CA10: variants seen among roughly 807,000 people sequenced by gnomAD.
CA10 encodes carbonic anhydrase-related protein 10.
In CA10, 14 loss-of-function variants were observed where a neutral mutation model predicts 44.2. That is an observed-to-expected ratio of 0.32 (90% CI 0.21 to 0.50). CA10 has a LOEUF of 0.50. Ranked by LOEUF, CA10 falls within the 20% of genes least tolerant of loss-of-function variation. CA10 has a pLI of 0.99. For missense variants in CA10, 350 were observed against 409.7 expected, an observed-to-expected ratio of 0.85 and a Z score of 1.26; for synonymous variants, 159 against 141.6, an observed-to-expected ratio of 1.12 and a Z score of -0.87.
At chr17:51,771,122 C>CAAAAAAA (rs71357854) in intron 3 of CA10, among the ~76,000 whole-genome samples, 7 of 37,676 alleles carry the variant, frequency 1.9e-4, no homozygotes, top group Admixed American at 3.8e-4. Flanking sequence ...GACTCCGTCT[C>CAAAAAAA]AAAAAAAAAA....
chr17:51,652,910 A>G (rs1913629833), intron 5 of CA10, among the ~76,000 whole-genome samples: 1 of 151,844 alleles, frequency 6.6e-6, no homozygotes, highest in African/African-American at 2.4e-5. Flanking sequence ...TTTAATTTTT[A>G]TTTTTCTAAT....
At chr17:52,089,743 T>C (rs1260013638) in intron 1 of CA10, among the ~76,000 whole-genome samples, 1 of 152,094 alleles carries the variant, frequency 6.6e-6, no homozygotes, top group African/African-American at 2.4e-5. Context: ...ATTTATAATA[T>C]ACATATTTTA....
intron 4 of CA10, among the ~76,000 whole-genome samples, chr17:51,726,208 C>T (rs971605646): frequency 3.3e-5 from 5 of 152,112 alleles, no homozygotes; most frequent in Non-Finnish European, 5.9e-5. Flanking sequence ...AAATGTGATG[C>T]CTCCTTTAAG....
At chr17:52,018,325 C>T (rs996959076) in intron 2 of CA10, among the ~76,000 whole-genome samples, 1 of 152,126 alleles carries the variant, frequency 6.6e-6, no homozygotes, top group African/African-American at 2.4e-5. Context: ...AGGCAATAGA[C>T]TCCAACCTGT....
At chr17:51,810,858 C>A (rs1487387429) in intron 3 of CA10, among the ~76,000 whole-genome samples, 1 of 152,162 alleles carries the variant, frequency 6.6e-6, no homozygotes, top group African/African-American at 2.4e-5. Flanking sequence ...TCCAACCACA[C>A]CAGACAAGGC....
intron 4 of CA10, among the ~76,000 whole-genome samples, chr17:51,715,221 T>C (rs1430805210): frequency 6.7e-6 from 1 of 150,360 alleles, no homozygotes; most frequent in African/African-American, 2.5e-5. Context: ...TGTTGTGGGG[T>C]GGGGGGTGGA....
At chr17:52,022,986 A>G (rs1986189996) in intron 2 of CA10, among the ~76,000 whole-genome samples, 2 of 152,138 alleles carry the variant, frequency 1.3e-5, no homozygotes, top group South Asian at 4.1e-4. Flanking sequence ...GAAACATTCC[A>G]TGCTCATATA....
intron 2 of CA10, among the ~76,000 whole-genome samples, chr17:51,976,237 T>C (rs1268216319): frequency 6.6e-6 from 1 of 152,170 alleles, no homozygotes; most frequent in Non-Finnish European, 1.5e-5. Context: ...CTTTCAGTAA[T>C]TGTTGGAAGA....
chr17:51,915,728 C>A (rs943749322), intron 3 of CA10, among the ~76,000 whole-genome samples: 1 of 152,166 alleles, frequency 6.6e-6, no homozygotes, highest in Middle Eastern at 3.4e-3. Flanking sequence ...ACATTGATGT[C>A]TTATTGCTAT....
chr17:52,038,125 A>G lies in CA10; in HGVS notation c.136+34194T>C, dbSNP rs1986669376. On this transcript the variant is annotated intron_variant, in intron 2 of 8. Coordinates refer to ENST00000451037, the MANE Select transcript of CA10 (RefSeq NM_020178.5). Reference sequence around the variant, plus strand: ...GGAGGAAACAGGTATCATGCTTAAAATGCATTTCTAAATAATTCAGGACAA... The same window carrying G: ...GGAGGAAACAGGTATCATGCTTAAAGTGCATTTCTAAATAATTCAGGACAA... Among the ~76,000 whole-genome samples, 4 of 152,194 alleles carry G rather than the reference A, an allele frequency of 2.6e-5. No individual in the cohort carries two copies. In the South Asian group the frequency reaches 8.3e-4, roughly 31 times the overall value.
At chr17:51,986,651 C>T (rs1984846588) in intron 2 of CA10, among the ~76,000 whole-genome samples, 1 of 151,878 alleles carries the variant, frequency 6.6e-6, no homozygotes, top group Admixed American at 6.6e-5. Context: ...CGAACTTCAA[C>T]AAATTAGCAA....
intron 6 of CA10, among the ~76,000 whole-genome samples, chr17:51,641,145 CTCTCAG>C (rs1473865302): frequency 3.4e-5 from 5 of 148,114 alleles, no homozygotes; most frequent in African/African-American, 7.4e-5. Context: ...CTCTCTCTCT[CTCTCAG>C]CTCTCTCTCT....
At chr17:51,946,625 C>T (rs1477955806) in intron 2 of CA10, among the ~76,000 whole-genome samples, 3 of 152,164 alleles carry the variant, frequency 2.0e-5, no homozygotes, top group African/African-American at 7.2e-5. Flanking sequence ...CATGCCTACT[C>T]ATTCAAATCT....
chr17:51,664,766 C>A (rs116999116), intron 4 of CA10, among the ~76,000 whole-genome samples: 2 of 151,998 alleles, frequency 1.3e-5, no homozygotes, highest in Non-Finnish European at 2.9e-5. Context: ...AATGATATTT[C>A]GGGAGACCAC....
chr17:51,903,646 T>C (rs549918314), intron 3 of CA10, among the ~76,000 whole-genome samples: 5 of 152,122 alleles, frequency 3.3e-5, no homozygotes, highest in Non-Finnish European at 7.4e-5. Context: ...CTCTTTCTAA[T>C]TTTTTCCCCT....
chr17:52,126,173 GT>G (rs1201023817), intron 1 of CA10, among the ~76,000 whole-genome samples: 1 of 152,154 alleles, frequency 6.6e-6, no homozygotes, highest in Non-Finnish European at 1.5e-5. Context: ...GGACAAACCT[GT>G]TAAAGCTCTC....
At chr17:51,727,515 A>T (rs2143549079) in intron 4 of CA10, among the ~76,000 whole-genome samples, 2 of 152,296 alleles carry the variant, frequency 1.3e-5, no homozygotes, top group Non-Finnish European at 2.9e-5. Context: ...TTGATCACAT[A>T]CAGTGGCTCA....
At chr17:51,925,929 G>A (rs947990679) in intron 3 of CA10, among the ~76,000 whole-genome samples, 2 of 152,126 alleles carry the variant, frequency 1.3e-5, no homozygotes, top group Admixed American at 6.6e-5. Flanking sequence ...GTTACCAGGG[G>A]CTGAGGGGGA....
At chr17:51,820,550 T>G (rs538988426) in intron 3 of CA10, among the ~76,000 whole-genome samples, 1 of 152,152 alleles carries the variant, frequency 6.6e-6, no homozygotes, top group African/African-American at 2.4e-5. Context: ...ACCCATTTCC[T>G]GTATTCTGAA....
Sources: gnomAD v4.1 joint callset for allele counts (sites outside exome capture counted in the v4.1 genomes callset) on GRCh38, gnomAD v4.1.1 for gene constraint, MANE v1.5 for transcripts, NCBI Gene and HGNC (gene_info 2026-07-23, HGNC 2026-07-21) for gene names.